The following RNGTT variants were observed in gnomAD, a reference collection of about 807,000 sequenced individuals.
RNGTT encodes the protein RNA guanylyltransferase and 5'-phosphatase.
Under a neutral mutation model 79.3 loss-of-function variants are expected in RNGTT, and 33 were observed. The observed-to-expected ratio is 0.42, with a 90% CI of 0.32 to 0.56. The LOEUF (loss-of-function observed/expected upper bound fraction) is 0.56, where lower values mean the gene tolerates loss of function less well. RNGTT is among the 20% of genes least tolerant of loss of function. The probability of loss-of-function intolerance (pLI) is 0.17; values close to 1 mark genes in which losing one functional copy is unlikely to be tolerated. For missense variants in RNGTT, 497 were observed against 739.1 expected, an observed-to-expected ratio of 0.67 and a Z score of 3.80; for synonymous variants, 222 against 235.9, an observed-to-expected ratio of 0.94 and a Z score of 0.54.
rs150199291 is a variant in RNGTT, at chr6:88,649,049, T to G, written c.1506+29304A>C. Among the ~76,000 whole-genome samples, 306 of 152,296 alleles carry G rather than the reference T, an allele frequency of 2.0e-3. 1 individual carries two copies. Among genetic ancestry groups the G allele is most frequent in the African/African-American group, 7.2e-3 (299 of 41,564 alleles). On this transcript the variant is annotated intron_variant, in intron 14 of 15. Coordinates refer to ENST00000369485, the MANE Select transcript of RNGTT (RefSeq NM_003800.5). ...CAGCAGGTCCTTGAATAACATCATT[T>G]TGTTAAAATGTGGGCAAGGAAAAAA...
intron 11 of RNGTT, among the ~76,000 whole-genome samples, chr6:88,822,273 G>C (rs577653608): frequency 1.4e-4 from 21 of 152,236 alleles, no homozygotes; most frequent in African/African-American, 4.8e-4. Flanking sequence ...CCCTCGAGAT[G>C]ATAGCACAAT....
chr6:88,867,299 A>G (rs1782204764), intron 8 of RNGTT, among the ~76,000 whole-genome samples: 1 of 152,058 alleles, frequency 6.6e-6, no homozygotes, highest in African/African-American at 2.4e-5. Context: ...CCCGGCCAAC[A>G]TGGTGAATCC....
At chr6:88,644,046 A>G (rs566367837) in intron 14 of RNGTT, among the ~76,000 whole-genome samples, 1 of 152,336 alleles carries the variant, frequency 6.6e-6, no homozygotes, top group East Asian at 1.9e-4. Flanking sequence ...CCTTCAAAAA[A>G]ATCAATGAAT....
Position 88,758,160 on chromosome 6 carries a change from C to T in RNGTT, c.1439+11614G>A, listed in dbSNP as rs1008378155. 9.2e-5 allele frequency among the ~76,000 whole-genome samples: 14 copies of T among 152,146 alleles called. No homozygotes were observed. In the East Asian group the frequency reaches 2.3e-3, roughly 25 times the overall value. On this transcript the variant is annotated intron_variant, in intron 13 of 15. Coordinates refer to ENST00000369485, the MANE Select transcript of RNGTT (RefSeq NM_003800.5). ...TTTTAAAAGGTCAATGCTCCCTCCTCGTAAGAGAGAGAAAAACAAAAAGCC... is the reference window on the plus strand; with the variant it reads ...TTTTAAAAGGTCAATGCTCCCTCCTTGTAAGAGAGAGAAAAACAAAAAGCC...
At chr6:88,946,224 T>C (rs962277265) in intron 1 of RNGTT, among the ~76,000 whole-genome samples, 1 of 152,220 alleles carries the variant, frequency 6.6e-6, no homozygotes, top group Non-Finnish European at 1.5e-5. Context: ...TTTATTATTA[T>C]TATATTTGTT....
chr6:88,927,700 A>G lies in RNGTT; in HGVS notation c.367+1285T>C, dbSNP rs1456521624. On this transcript the variant is annotated intron_variant, in intron 4 of 15. Transcript: ENST00000369485. ...AATACAAAAATTAGCAGGGTGTGGT[A>G]GTGCATGCCTGTAATCCCAGCTACT... 2.0e-5 allele frequency among the ~76,000 whole-genome samples: 3 copies of G among 149,208 alleles called. No individual in the cohort carries two copies. In the East Asian group the frequency reaches 6.0e-4, roughly 30 times the overall value.
chr6:88,664,803 A>T (rs1289815402), intron 14 of RNGTT, among the ~76,000 whole-genome samples: 1 of 152,210 alleles, frequency 6.6e-6, no homozygotes, highest in Non-Finnish European at 1.5e-5. Flanking sequence ...CGTGCCCCCA[A>T]GGAGCCCATG....
In RNGTT at chr6:88,614,337, T is replaced by C; in HGVS notation, c.1565A>G (p.Asn522Ser). The change falls in exon 15 of 16, where the codon AAC becomes AGC. Residue 522 changes from asparagine (N) to serine (S), a missense_variant. By Grantham distance (46) the Asn-to-Ser change is conservative. Transcript: ENST00000369485. ...TCTCTGTCTCATGAAGACCCAGCTG[T>C]TGTTCTCAAATTTGCATTCTATAAT... ...NKIIECKFEN[N>S]SWVFMRQRTD... The C allele has an allele frequency of 1.9e-6, 3 of 1,613,662 alleles. No individual in the cohort carries two copies. The highest frequency in any genetic ancestry group is 1.7e-6 in the Non-Finnish European group (2 of 1,179,570).
intron 4 of RNGTT, among the ~76,000 whole-genome samples, chr6:88,920,020 C>T (rs894287772): frequency 1.3e-5 from 2 of 152,074 alleles, no homozygotes; most frequent in Non-Finnish European, 2.9e-5. Flanking sequence ...AAGATTTTGC[C>T]CCCCAGGGGA....
chr6:88,763,672 G>T (rs1200612018), intron 13 of RNGTT, among the ~76,000 whole-genome samples: 1 of 152,090 alleles, frequency 6.6e-6, no homozygotes, highest in African/African-American at 2.4e-5. Context: ...TAGACATCTT[G>T]CTAAGACACA....
intron 2 of RNGTT, among the ~76,000 whole-genome samples, chr6:88,936,126 C>A (rs1009977168): frequency 6.6e-6 from 1 of 152,056 alleles, no homozygotes; most frequent in Non-Finnish European, 1.5e-5. Flanking sequence ...AGATGGGGGT[C>A]TCACTTTGGG....
intron 13 of RNGTT, among the ~76,000 whole-genome samples, chr6:88,689,687 A>G (rs992067756): frequency 6.6e-5 from 10 of 151,162 alleles, no homozygotes; most frequent in Admixed American, 2.6e-4. Flanking sequence ...ACATGAAAAA[A>G]TAATGAGAAA....
chr6:88,918,557 C>T (rs1784069333), intron 4 of RNGTT, among the ~76,000 whole-genome samples: 2 of 151,158 alleles, frequency 1.3e-5, no homozygotes, highest in African/African-American at 2.4e-5. Flanking sequence ...CAAAGCTTGA[C>T]AATAATAGAA....
chr6:88,753,431 G>C (rs964638463), intron 13 of RNGTT, among the ~76,000 whole-genome samples: 4 of 151,992 alleles, frequency 2.6e-5, no homozygotes, highest in Non-Finnish European at 5.9e-5. Context: ...TGGAGCCTGG[G>C]AGGTTGAGGC....
chr6:88,840,137 G>T (rs1051814447), intron 11 of RNGTT, among the ~76,000 whole-genome samples: 3 of 151,996 alleles, frequency 2.0e-5, no homozygotes, highest in Admixed American at 2.0e-4. Flanking sequence ...ATGCTGTAAG[G>T]TTCGTAATAT....
chr6:88,771,976 G>A (rs867824695), intron 12 of RNGTT, among the ~76,000 whole-genome samples: 30 of 152,140 alleles, frequency 2.0e-4, no homozygotes, highest in South Asian at 2.1e-4. Flanking sequence ...CCAGGAGTTC[G>A]AGATCAGCCT....
At chr6:88,784,756 T>G (rs959403956) in intron 12 of RNGTT, among the ~76,000 whole-genome samples, 1 of 152,186 alleles carries the variant, frequency 6.6e-6, no homozygotes, top group African/African-American at 2.4e-5. Flanking sequence ...TAATAAACCC[T>G]ATCTTTTTGC....
chr6:88,616,138 A>G (rs370695269), intron 14 of RNGTT, among the ~76,000 whole-genome samples: 2 of 152,236 alleles, frequency 1.3e-5, no homozygotes, highest in East Asian at 3.8e-4. Flanking sequence ...TTCACTTAGC[A>G]TAATGTCCTT....
Position 88,725,507 on chromosome 6 carries a change from G to A in RNGTT, c.1439+44267C>T, listed in dbSNP as rs143654706. Reference sequence around the variant, plus strand: ...CAGGACTAGGGAAAGAAAGCCACAGGGGGTGGTGAAGTATTCCTCAGTTGG... The same window carrying A: ...CAGGACTAGGGAAAGAAAGCCACAGAGGGTGGTGAAGTATTCCTCAGTTGG... On this transcript the variant is annotated intron_variant, in intron 13 of 15. Transcript: ENST00000369485. Among the ~76,000 whole-genome samples, 4 of 152,318 alleles carry A rather than the reference G, an allele frequency of 2.6e-5. No homozygotes were observed. In the South Asian group the frequency reaches 6.2e-4, roughly 24 times the overall value.
Sources: allele counts gnomAD v4.1 joint callset (sites outside exome capture counted in the v4.1 genomes callset), GRCh38; gene constraint gnomAD v4.1.1; transcripts MANE v1.5; gene names NCBI Gene and HGNC (gene_info 2026-07-23, HGNC 2026-07-21).